Variants in ATRX observed in about 807,000 individuals in gnomAD.
The protein encoded by ATRX is ATRX chromatin remodeler.
Under a neutral mutation model 172.6 loss-of-function variants are expected in ATRX, and 12 were observed. That is an observed-to-expected ratio of 0.07 (90% confidence interval 0.04 to 0.11). ATRX has a LOEUF of 0.11. Ranked by LOEUF, ATRX falls within the 10% of genes least tolerant of loss-of-function variation. ATRX has a pLI of 1.00. For synonymous variants in ATRX, 674 were observed against 594.7 expected (o/e 1.13, Z -1.94); for missense variants, 1,368 against 1,767.4 (o/e 0.77, Z 4.05).
chrX:77,556,961 T>A (rs45614436), intron 30 of ATRX, among the ~76,000 whole-genome samples: 41 of 112,012 alleles, frequency 3.7e-4, no homozygotes, highest in African/African-American at 1.3e-3. Flanking sequence ...AACAGGACTA[T>A]CTGCTTTTCA....
intron 9 of ATRX, among the ~76,000 whole-genome samples, chrX:77,678,082 T>C (rs1183830506): frequency 9.0e-6 from 1 of 110,604 alleles, no homozygotes; most frequent in Non-Finnish European, 1.9e-5. Context: ...GGCATGCACC[T>C]GTAATCTCAG....
chrX:77,673,887 A>T (rs1557132197), intron 10 of ATRX: 1 of 111,070 alleles, frequency 9.0e-6, no homozygotes, highest in Admixed American at 9.7e-5. Context: ...TTTTAATAAC[A>T]AATTATGTCA....
chrX:77,732,718 A>C (rs2074354858), intron 1 of ATRX, among the ~76,000 whole-genome samples: 1 of 112,153 alleles, frequency 8.9e-6, no homozygotes, highest in Non-Finnish European at 1.9e-5. Context: ...GATAATATTC[A>C]ACATTCCTTC....
chrX:77,591,010 A>G (rs1475068397), intron 26 of ATRX, among the ~76,000 whole-genome samples: 1 of 112,628 alleles, frequency 8.9e-6, no homozygotes, highest in African/African-American at 3.2e-5. Context: ...CATGCATTCT[A>G]TAACACTTTG....
At chrX:77,579,788 G>A (rs2065763572) in intron 27 of ATRX, among the ~76,000 whole-genome samples, 1 of 112,221 alleles carries the variant, frequency 8.9e-6, no homozygotes, top group Non-Finnish European at 1.9e-5. Context: ...AGACCATTTA[G>A]AGAAATATGA....
chrX:77,619,765 A>G (rs2067506149), intron 20 of ATRX, among the ~76,000 whole-genome samples: 1 of 112,166 alleles, frequency 8.9e-6, no homozygotes, highest in African/African-American at 3.2e-5. Context: ...ACAGAGAAAA[A>G]TAACAAAAAG....
chrX:77,620,724 T>C (rs1047266308), intron 19 of ATRX, among the ~76,000 whole-genome samples, 192 bp from the exon 20 acceptor site: 3 of 111,703 alleles, frequency 2.7e-5, no homozygotes, highest in African/African-American at 9.7e-5. Flanking sequence ...ATTAATTATA[T>C]CCAAATGGTA....
intron 14 of ATRX, among the ~76,000 whole-genome samples, chrX:77,652,885 A>G (rs1291428128): frequency 9.1e-6 from 1 of 109,571 alleles, no homozygotes; most frequent in Non-Finnish European, 1.9e-5. Context: ...ACTAGAATAA[A>G]CATTTCTCAA....
chrX:77,579,523 T>C (rs1409865090), intron 27 of ATRX, among the ~76,000 whole-genome samples: 2 of 108,961 alleles, frequency 1.8e-5, no homozygotes, highest in African/African-American at 6.7e-5. Flanking sequence ...AGACAATTCT[T>C]TTGGATCTTA....
At chrX:77,730,844 G>T (rs1386663988) in intron 1 of ATRX, among the ~76,000 whole-genome samples, 3 of 110,262 alleles carry the variant, frequency 2.7e-5, no homozygotes, top group African/African-American at 9.9e-5. Flanking sequence ...TTACTAAAAG[G>T]GAAGTTTATA....
chrX:77,551,854 C>A (rs996089431), intron 30 of ATRX, among the ~76,000 whole-genome samples: 44 of 112,047 alleles, frequency 3.9e-4, no homozygotes, highest in African/African-American at 1.3e-3. Flanking sequence ...ATGCAGCCAA[C>A]AGACACATGA....
rs782655614 is a variant in ATRX at position 77,506,276 on chromosome X, T to C, written c.*2075A>G. ...CTTGATGTTATACTCAAAGTACATA[T>C]TATATAGCTAAAATGTCAAGTGAGA... On this transcript the variant is annotated 3_prime_UTR_variant, in exon 35 of 35. Transcript: ENST00000373344. 20 of 171,587 alleles carry C rather than the reference T, an allele frequency of 1.2e-4. No homozygotes were observed. Among genetic ancestry groups the C allele is most frequent in the Non-Finnish European group, 2.0e-4 (18 of 89,588 alleles). The allele number at this position is 171,587 out of a possible 1,213,427, so 14.1% of individuals were successfully genotyped here.
At chrX:77,785,804 C>G in intron 1 of ATRX, 178 bp downstream of exon 1, 1 of 629,638 alleles carries the variant, frequency 1.6e-6, no homozygotes, top group Non-Finnish European at 1.9e-6. Flanking sequence ...CACCCCCACC[C>G]CCGTCGGAGC....
At chrX:77,524,516 G>C (rs781815580) in intron 30 of ATRX, among the ~76,000 whole-genome samples, 3 of 111,166 alleles carry the variant, frequency 2.7e-5, no homozygotes, top group Non-Finnish European at 5.7e-5. Context: ...AAAGTGGTAA[G>C]AACTCAAATG....
chrX:77,535,077 T>C (rs1450661959), intron 30 of ATRX, among the ~76,000 whole-genome samples: 2 of 112,196 alleles, frequency 1.8e-5, no homozygotes, highest in East Asian at 5.6e-4. Flanking sequence ...AGTAAAGAAA[T>C]TTAATATTCC....
intron 1 of ATRX, among the ~76,000 whole-genome samples, chrX:77,779,539 T>C (rs1018946385): frequency 1.8e-5 from 2 of 111,496 alleles, no homozygotes; most frequent in African/African-American, 6.5e-5. Context: ...TCCCCCAAAT[T>C]AGGCTTTCTT....
intron 1 of ATRX, among the ~76,000 whole-genome samples, chrX:77,757,201 T>C (rs1418567201): frequency 8.9e-6 from 1 of 111,953 alleles, no homozygotes; most frequent in Non-Finnish European, 1.9e-5. Context: ...AATAGATGTC[T>C]ACACTAGACA....
intron 28 of ATRX, among the ~76,000 whole-genome samples, chrX:77,568,636 T>C (rs2065289926): frequency 8.9e-6 from 1 of 111,965 alleles, no homozygotes; most frequent in Non-Finnish European, 1.9e-5. Flanking sequence ...ATTAACCTGA[T>C]ACCAAAACCA....
chrX:77,700,828 A>G (rs2072466261), intron 2 of ATRX, among the ~76,000 whole-genome samples: 1 of 112,568 alleles, frequency 8.9e-6, no homozygotes, highest in African/African-American at 3.2e-5. Flanking sequence ...CAATCTGAAA[A>G]AGGCAAAACT....
Sources: gnomAD v4.1 joint callset for allele counts (sites outside exome capture counted in the v4.1 genomes callset) on GRCh38, gnomAD v4.1.1 for gene constraint, MANE v1.5 for transcripts, NCBI Gene and HGNC (gene_info 2026-07-23, HGNC 2026-07-21) for gene names.